The following MAPK10 variants were observed in gnomAD, a reference collection of about 807,000 sequenced individuals.
MAPK10 encodes the protein JNK3 alpha protein kinase.
MAPK10 carries 25 observed loss-of-function variants against 59.3 expected under a neutral mutation model. The observed-to-expected ratio is 0.42, with a 90% CI of 0.31 to 0.59. MAPK10 has a LOEUF of 0.59. Among genes scored for constraint, MAPK10 ranks in the 20% least tolerant of loss-of-function variants. The probability of loss-of-function intolerance (pLI) is 0.15; values close to 1 mark genes in which losing one functional copy is unlikely to be tolerated. For missense variants in MAPK10, 351 were observed against 568.9 expected (o/e 0.62, Z 3.90); for synonymous variants, 190 against 200.5 (o/e 0.95, Z 0.44).
At chr4:86,527,274 T>G (rs1424516488) in intron 1 of MAPK10, among the ~76,000 whole-genome samples, 3 of 127,348 alleles carry the variant, frequency 2.4e-5, no homozygotes, top group Non-Finnish European at 4.7e-5. Context: ...ATCGTCCCAC[T>G]GTACTCCAGC....
intron 2 of MAPK10, among the ~76,000 whole-genome samples, chr4:86,245,425 C>T (rs2093020637): frequency 6.6e-6 from 1 of 151,896 alleles, no homozygotes; most frequent in Non-Finnish European, 1.5e-5. Context: ...GATCCTCCCA[C>T]CTTAGCCTCC....
chr4:86,212,964 T>C (rs529817806), intron 2 of MAPK10, among the ~76,000 whole-genome samples: 2 of 152,138 alleles, frequency 1.3e-5, no homozygotes, highest in South Asian at 2.1e-4. Flanking sequence ...TATTCCAGAA[T>C]AGGCCATATG....
intron 2 of MAPK10, among the ~76,000 whole-genome samples, chr4:86,253,455 T>C (rs2148718743): frequency 8.5e-6 from 1 of 117,234 alleles, no homozygotes; most frequent in Admixed American, 8.0e-5. Flanking sequence ...TCTTTGGCTC[T>C]GTTTATATGC....
chr4:86,463,034 A>T (rs1318856979), intron 1 of MAPK10, among the ~76,000 whole-genome samples: 1 of 152,220 alleles, frequency 6.6e-6, no homozygotes, highest in Non-Finnish European at 1.5e-5. Context: ...ACTTTGAAGG[A>T]ATTAGTTAAT....
chr4:86,564,916 A>C (rs1363146737), intron 1 of MAPK10, among the ~76,000 whole-genome samples: 1 of 152,170 alleles, frequency 6.6e-6, no homozygotes, highest in Non-Finnish European at 1.5e-5. Context: ...GGGGAAGTTC[A>C]AGGGCCTCCC....
At chr4:86,028,970 T>C (rs1046523712) in intron 13 of MAPK10, 3 of 574,068 alleles carry the variant, frequency 5.2e-6, no homozygotes, top group South Asian at 1.8e-5. Context: ...CTATTAAAAT[T>C]ATTTATGAAA....
At chr4:86,429,878 C>G (rs2149039915) in intron 1 of MAPK10, 1 of 150,550 alleles carries the variant, frequency 6.6e-6, no homozygotes, top group East Asian at 1.9e-4. Context: ...TATGTGTTTT[C>G]CTTTCTTCAC....
intron 2 of MAPK10, among the ~76,000 whole-genome samples, chr4:86,349,421 T>C (rs1055119174): frequency 3.9e-5 from 6 of 152,210 alleles, no homozygotes; most frequent in African/African-American, 1.2e-4. Context: ...TCAATAAATA[T>C]TTATGCAGTG....
chr4:86,540,776 C>G (rs1365690226), intron 1 of MAPK10, among the ~76,000 whole-genome samples: 1 of 152,020 alleles, frequency 6.6e-6, no homozygotes, highest in Non-Finnish European at 1.5e-5. Context: ...GGGGACTGGC[C>G]TCTTTCCAAA....
At chr4:86,198,075 T>G (rs1429210152) in intron 2 of MAPK10, among the ~76,000 whole-genome samples, 1 of 152,162 alleles carries the variant, frequency 6.6e-6, no homozygotes, top group East Asian at 1.9e-4. Flanking sequence ...ACTAGATTCC[T>G]GTTGGAAGGC....
At chr4:86,492,566 G>A (rs573677673) in intron 1 of MAPK10, among the ~76,000 whole-genome samples, 3 of 152,252 alleles carry the variant, frequency 2.0e-5, no homozygotes, top group Admixed American at 1.3e-4. Context: ...ATTTCAGTAG[G>A]CCTTAGTTTT....
At chr4:86,494,842 CAAAAAAAAAAAAAAAAAAAAAAAAAAAAA>C (rs567947232) in intron 1 of MAPK10, among the ~76,000 whole-genome samples, 1 of 23,968 alleles carries the variant, frequency 4.2e-5, no homozygotes, top group Non-Finnish European at 6.4e-5. Context: ...GACTCCGTCT[CAAAAAAAAAAAAAAAAAAAAAAAAAAAAA>C]AAAAAAAAAG....
intron 2 of MAPK10, among the ~76,000 whole-genome samples, chr4:86,195,577 AT>A (rs957459095): frequency 6.7e-6 from 1 of 148,968 alleles, no homozygotes; most frequent in African/African-American, 2.6e-5. Flanking sequence ...TTTTATTTGT[AT>A]TTTTTTATTA....
intron 3 of MAPK10, among the ~76,000 whole-genome samples, chr4:86,177,107 G>A (rs1223017015): frequency 4.6e-5 from 7 of 151,898 alleles, no homozygotes; most frequent in African/African-American, 1.7e-4. Context: ...GGATATATAG[G>A]TTCATATCTC....
intron 4 of MAPK10, among the ~76,000 whole-genome samples, chr4:86,127,350 A>C (rs1454840198): frequency 6.6e-6 from 1 of 152,074 alleles, no homozygotes; most frequent in Non-Finnish European, 1.5e-5. Flanking sequence ...TTACACAAGT[A>C]AACTAATTGA....
intron 1 of MAPK10, chr4:86,356,999 C>T (rs1242039248): frequency 6.6e-6 from 1 of 152,174 alleles, no homozygotes. Flanking sequence ...CTGGACACTT[C>T]CGTGCCTCTT....
chr4:86,089,313 A>G (rs747549398), intron 9 of MAPK10: 5 of 1,382,024 alleles, frequency 3.6e-6, no homozygotes, highest in Non-Finnish European at 5.1e-6. Flanking sequence ...AAACAAGAAC[A>G]CAGGAATAGA....
chr4:86,461,897 T>G (rs1751778056), intron 1 of MAPK10, among the ~76,000 whole-genome samples: 1 of 152,202 alleles, frequency 6.6e-6, no homozygotes, highest in South Asian at 2.1e-4. Context: ...AACGAAAGGA[T>G]GATTTAGAGG....
intron 2 of MAPK10, among the ~76,000 whole-genome samples, chr4:86,328,282 A>G (rs957737552): frequency 1.3e-5 from 2 of 152,340 alleles, no homozygotes; most frequent in African/African-American, 4.8e-5. Flanking sequence ...GAGAAATGCA[A>G]ATCAAAACTA....
Sources: allele counts gnomAD v4.1 joint callset (sites outside exome capture counted in the v4.1 genomes callset), GRCh38; gene constraint gnomAD v4.1.1; transcripts MANE v1.5; gene names NCBI Gene and HGNC (gene_info 2026-07-23, HGNC 2026-07-21).